BPI: variants seen among roughly 807,000 people sequenced by gnomAD.
The protein encoded by BPI is bactericidal permeability increasing protein.
BPI carries 48 observed loss-of-function variants against 57.6 expected under a neutral mutation model. That is an observed-to-expected ratio of 0.83 (90% CI 0.66 to 1.06). BPI has a LOEUF of 1.06. Among genes scored for constraint, BPI ranks in the 50% least tolerant of loss-of-function variants. The pLI is 0.00. For synonymous variants in BPI, 237 were observed against 238.2 expected, an observed-to-expected ratio of 0.99 and a Z score of 0.05; for missense variants, 651 against 609.7, an observed-to-expected ratio of 1.07 and a Z score of -0.71.
In BPI at chr20:38,314,457, G is replaced by T. The variant is rs144889301; in HGVS notation, c.600+2520G>T. Among the ~76,000 whole-genome samples the T allele has an allele frequency of 4.1e-3, 594 of 143,208 alleles. 5 individuals are homozygous for T. Among genetic ancestry groups the T allele is most frequent in the African/African-American group, 0.015 (563 of 38,158 alleles). 94.0% of individuals were successfully genotyped at this position (143,208 alleles called of 152,430 possible). ...GGTGGGGATGATTATAATGATGATG[G>T]TGATGGTGGGGATGATGATAATGAT... On this transcript the variant is annotated intron_variant, in intron 5 of 14. Coordinates refer to ENST00000642449, the MANE Select transcript of BPI (RefSeq NM_001725.3).
chr20:38,317,776 A>G (rs1404264010), intron 5 of BPI: 22 of 1,338,354 alleles, frequency 1.6e-5, no homozygotes, highest in Non-Finnish European at 2.3e-5. Flanking sequence ...GAAGAAATAG[A>G]GGTCTAGATA....
chr20:38,315,645 A>G (rs2076648270), intron 5 of BPI, among the ~76,000 whole-genome samples: 1 of 152,046 alleles, frequency 6.6e-6, no homozygotes, highest in Admixed American at 6.6e-5. Context: ...TTCCTTGGAG[A>G]ATGCCAGTCC....
chr20:38,312,719 G>A (rs1427818859), intron 5 of BPI, among the ~76,000 whole-genome samples: 4 of 152,054 alleles, frequency 2.6e-5, no homozygotes, highest in Admixed American at 1.3e-4. Context: ...AGTCTCATGC[G>A]GTCTTCTAGG....
chr20:38,323,130 T>TC (rs375781484), intron 7 of BPI, among the ~76,000 whole-genome samples: 2 of 152,104 alleles, frequency 1.3e-5, no homozygotes, highest in Non-Finnish European at 2.9e-5. Context: ...TGGGTGCCTC[T>TC]CCCCCCACCC....
At chr20:38,325,281 C>A (rs1240368536) in intron 9 of BPI, among the ~76,000 whole-genome samples, 24 of 145,638 alleles carry the variant, frequency 1.6e-4, no homozygotes, top group Non-Finnish European at 3.2e-4. Flanking sequence ...GTCAAGGACG[C>A]CTCTGTCTTT....
rs1201152521 is a variant in BPI, at chr20:38,307,666, A to G, written c.230A>G (p.His77Arg). The change falls in exon 2 of 15, where the codon CAT becomes CGT. Residue 77 changes from histidine to arginine, a missense_variant. Coordinates refer to ENST00000642449, the MANE Select transcript of BPI (RefSeq NM_001725.3). ...SFKIKHLGKG[H>R]YSFYSMDIRE... Reference sequence around the variant, plus strand: ...AAGATCAAGCATCTTGGGAAGGGGCATTATAGCTTCTACAGGTGAGGCCTA... The same window carrying G: ...AAGATCAAGCATCTTGGGAAGGGGCGTTATAGCTTCTACAGGTGAGGCCTA... 6 of 1,611,338 alleles carry G rather than the reference A, an allele frequency of 3.7e-6. No homozygotes were observed. The highest frequency in any genetic ancestry group is 2.7e-5 in the African/African-American group (2 of 74,918).
intron 7 of BPI, chr20:38,321,864 A>T (rs1459336329): frequency 2.7e-5 from 4 of 149,408 alleles, no homozygotes; most frequent in Non-Finnish European, 5.9e-5. Flanking sequence ...ACAGAGAGAG[A>T]GAGAGAGAGA....
chr20:38,337,010 T>TC, intron 14 of BPI, 136 bp from the exon 15 acceptor site: 1 of 741,006 alleles, frequency 1.3e-6, no homozygotes, highest in Non-Finnish European at 2.2e-6. Context: ...AAACACTGAG[T>TC]GACCCCCACT....
intron 9 of BPI, among the ~76,000 whole-genome samples, chr20:38,325,179 A>T (rs1041242635): frequency 6.6e-6 from 1 of 152,206 alleles, no homozygotes; most frequent in African/African-American, 2.4e-5. Context: ...GAGAGAGAAA[A>T]ATATCATCCA....
intron 1 of BPI, among the ~76,000 whole-genome samples, chr20:38,304,851 CAG>C (rs1275521016): frequency 6.6e-6 from 1 of 152,238 alleles, no homozygotes; most frequent in Admixed American, 6.5e-5. Flanking sequence ...CCACTCACCC[CAG>C]CCCAGGCAGA....
At chr20:38,325,466 C>T (rs2076707825) in intron 9 of BPI, among the ~76,000 whole-genome samples, 1 of 152,162 alleles carries the variant, frequency 6.6e-6, no homozygotes, top group Admixed American at 6.5e-5. Flanking sequence ...CCTCACAGGG[C>T]CTTTTCTCAA....
intron 7 of BPI, 101 bp downstream of exon 7, chr20:38,320,375 C>A: frequency 9.6e-7 from 1 of 1,042,328 alleles, no homozygotes; most frequent in South Asian, 1.5e-5. Context: ...CCCCTACTTC[C>A]TATCTGACTC....
intron 7 of BPI, among the ~76,000 whole-genome samples, chr20:38,322,935 G>A (rs1422324187): frequency 6.6e-6 from 1 of 152,142 alleles, no homozygotes; most frequent in African/African-American, 2.4e-5. Context: ...AGAGTTGCAT[G>A]TATTCCATAA....
chr20:38,308,873 C>A, intron 2 of BPI, 57 bp from the exon 3 acceptor site: 1 of 1,604,654 alleles, frequency 6.2e-7, no homozygotes, highest in Non-Finnish European at 8.5e-7. Context: ...ACGAAGTCCT[C>A]ATGTGTGCAC....
chr20:38,310,446 T>G, intron 3 of BPI, 45 bp from the exon 4 acceptor site: 1 of 1,591,236 alleles, frequency 6.3e-7, no homozygotes, highest in South Asian at 1.1e-5. Flanking sequence ...TGAATGTCAG[T>G]GGGAAGAAAG....
intron 12 of BPI, among the ~76,000 whole-genome samples, chr20:38,332,691 G>C (rs924704795): frequency 6.6e-6 from 1 of 152,144 alleles, no homozygotes; most frequent in African/African-American, 2.4e-5. Flanking sequence ...CATGGAGAAA[G>C]GGCTGGTAGG....
intron 5 of BPI, among the ~76,000 whole-genome samples, chr20:38,315,835 C>CTTTTTTTTTTTTTTTT (rs374398594): frequency 7.6e-6 from 1 of 132,252 alleles, no homozygotes; most frequent in Non-Finnish European, 1.6e-5. Context: ...CTTTTCTTTT[C>CTTTTTTTTTTTTTTTT]TTTTTTTTTT....
Position 38,313,903 on chromosome 20 carries a change from A to C in BPI, c.600+1966A>C, listed in dbSNP as rs564870962. Among the ~76,000 whole-genome samples, 3 of 149,564 alleles carry C rather than the reference A, an allele frequency of 2.0e-5. No homozygotes were observed. The East Asian group carries it at 6.1e-4, about 30-fold the overall frequency. On this transcript the variant is annotated intron_variant, in intron 5 of 14. Coordinates refer to ENST00000642449, the MANE Select transcript of BPI (RefSeq NM_001725.3). ...TGATGGGATGATGATGATGATGGTG[A>C]TTCTGAGGATGATAATGATGATGGC...
intron 2 of BPI, among the ~76,000 whole-genome samples, chr20:38,308,233 C>T (rs1277586306): frequency 6.6e-6 from 1 of 152,240 alleles, no homozygotes; most frequent in Non-Finnish European, 1.5e-5. Flanking sequence ...ATTATATACA[C>T]AGCCCTGAGC....
Sources: gnomAD v4.1 joint callset for allele counts (sites outside exome capture counted in the v4.1 genomes callset) on GRCh38, gnomAD v4.1.1 for gene constraint, MANE v1.5 for transcripts, NCBI Gene and HGNC (gene_info 2026-07-23, HGNC 2026-07-21) for gene names.